Variants in UNC13C observed in about 807,000 individuals in gnomAD.
UNC13C encodes the protein unc-13 homolog C.
A neutral mutation model predicts 245.4 loss-of-function variants in UNC13C; 174 were observed. That is an observed-to-expected ratio of 0.71 (90% CI 0.63 to 0.80). UNC13C has a LOEUF of 0.80. Ranked by LOEUF, UNC13C falls within the 30% of genes least tolerant of loss-of-function variation. The pLI is 0.00. For missense variants in UNC13C, 2,829 were observed against 2,602.9 expected, an observed-to-expected ratio of 1.09 and a Z score of -1.89; for synonymous variants, 992 against 895.1, an observed-to-expected ratio of 1.11 and a Z score of -1.93.
intron 2 of UNC13C, among the ~76,000 whole-genome samples, chr15:54,044,785 T>A (rs1300857190): frequency 1.3e-5 from 2 of 152,206 alleles, no homozygotes; most frequent in African/African-American, 4.8e-5. Context: ...ATATCCATCA[T>A]CTCGTGTAGC....
intron 17 of UNC13C, among the ~76,000 whole-genome samples, chr15:54,374,283 G>C (rs528631877): frequency 1.3e-5 from 2 of 152,172 alleles, no homozygotes; most frequent in East Asian, 3.9e-4. Context: ...TTCCACCCAG[G>C]AGCCTATCTG....
At chr15:54,426,173 A>ATT (rs1360855597) in intron 19 of UNC13C, among the ~76,000 whole-genome samples, 2 of 151,464 alleles carry the variant, frequency 1.3e-5, no homozygotes, top group Non-Finnish European at 3.0e-5. Context: ...CTTCTTTGTC[A>ATT]TTTAACAGAA....
At chr15:54,482,183 A>G (rs1420255141) in intron 19 of UNC13C, among the ~76,000 whole-genome samples, 2 of 152,162 alleles carry the variant, frequency 1.3e-5, no homozygotes, top group Non-Finnish European at 2.9e-5. Flanking sequence ...AGCTAGTGTC[A>G]TGATACTGCA....
At chr15:54,023,617 T>C (rs919932838) in intron 2 of UNC13C, among the ~76,000 whole-genome samples, 3 of 152,154 alleles carry the variant, frequency 2.0e-5, no homozygotes, top group Admixed American at 2.0e-4. Context: ...TTCAAAAGGA[T>C]ATACAAAGAC....
chr15:54,074,713 G>C (rs1297091115), intron 2 of UNC13C, among the ~76,000 whole-genome samples: 1 of 152,114 alleles, frequency 6.6e-6, no homozygotes, highest in Non-Finnish European at 1.5e-5. Flanking sequence ...TGTGATTTTT[G>C]CACATTGATT....
At chr15:54,166,137 A>T (rs976516881) in intron 4 of UNC13C, among the ~76,000 whole-genome samples, 1 of 151,990 alleles carries the variant, frequency 6.6e-6, no homozygotes, top group Admixed American at 6.6e-5. Context: ...TTATAGCATT[A>T]TTGATCTTGA....
the UNC13C span, among the ~76,000 whole-genome samples, chr15:53,883,698 G>T: frequency 4.3e-4 from 66 of 152,228 alleles, no homozygotes; most frequent in African/African-American, 1.6e-3. Context: ...TAATACGAAT[G>T]GTTATTTGTC....
At chr15:54,382,198 GA>G (rs1241732147) in intron 17 of UNC13C, among the ~76,000 whole-genome samples, 1 of 152,034 alleles carries the variant, frequency 6.6e-6, no homozygotes, top group African/African-American at 2.4e-5. Context: ...TTGAGAGAGA[GA>G]AAAATGGAAA....
rs118070431 is a variant in UNC13C, at chr15:54,596,872, C to T, written c.6107-25455C>T. Among the ~76,000 whole-genome samples, 118 of 152,310 alleles carry T rather than the reference C, an allele frequency of 7.7e-4. 3 individuals carry two copies. In the East Asian group the frequency reaches 0.019, roughly 25 times the overall value. On this transcript the variant is annotated intron_variant, in intron 30 of 32. Transcript: ENST00000260323. ...AAACTCCCAGAGGTCTCACCAGTAGCTGAGCAGCTAGTGGTGCCATGCTTG... is the reference window on the plus strand; with the variant it reads ...AAACTCCCAGAGGTCTCACCAGTAGTTGAGCAGCTAGTGGTGCCATGCTTG...
chr15:54,044,861 G>A (rs984546990), intron 2 of UNC13C, among the ~76,000 whole-genome samples: 4 of 151,992 alleles, frequency 2.6e-5, no homozygotes, highest in Non-Finnish European at 5.9e-5. Flanking sequence ...TTGGCCATTT[G>A]TATATCTTCT....
chr15:53,866,796 T>C, the UNC13C span, among the ~76,000 whole-genome samples: 1 of 152,228 alleles, frequency 6.6e-6, no homozygotes, highest in Non-Finnish European at 1.5e-5. Flanking sequence ...TCTGAGAGTG[T>C]TGAAAGATAG....
At chr15:54,569,506 C>T (rs1187524054) in intron 30 of UNC13C, among the ~76,000 whole-genome samples, 5 of 151,838 alleles carry the variant, frequency 3.3e-5, no homozygotes, top group Admixed American at 6.6e-5. Flanking sequence ...ATTTTCCATC[C>T]GCAGTTGGTT....
chr15:53,876,954 C>T, the UNC13C span, among the ~76,000 whole-genome samples: 36 of 152,246 alleles, frequency 2.4e-4, no homozygotes, highest in South Asian at 1.0e-3. Flanking sequence ...GAGTAAATCA[C>T]GGCATTTCTG....
At chr15:54,197,996 A>G (rs1448106012) in intron 4 of UNC13C, among the ~76,000 whole-genome samples, 4 of 152,194 alleles carry the variant, frequency 2.6e-5, no homozygotes, top group African/African-American at 9.6e-5. Flanking sequence ...TGGGAGTGAG[A>G]CAGGCCTTTA....
the UNC13C span, among the ~76,000 whole-genome samples, chr15:53,844,685 C>T: frequency 2.6e-5 from 4 of 152,010 alleles, no homozygotes; most frequent in Admixed American, 1.3e-4. Context: ...TTTACAATTG[C>T]AAGTTTTCTC....
At chr15:54,020,456 TTTTTTTTA>T (rs1352235165) in intron 2 of UNC13C, among the ~76,000 whole-genome samples, 10 of 133,648 alleles carry the variant, frequency 7.5e-5, no homozygotes, top group African/African-American at 1.5e-4. Context: ...TTTTTTTTTT[TTTTTTTTA>T]ATTAGAGATG....
chr15:54,522,289 G>T (rs1272140079), intron 24 of UNC13C, among the ~76,000 whole-genome samples: 5 of 151,188 alleles, frequency 3.3e-5, no homozygotes, highest in African/African-American at 1.2e-4. Context: ...TGGTCAACAT[G>T]GTGAAACCCC....
chr15:54,591,794 T>G (rs138472464), intron 30 of UNC13C, among the ~76,000 whole-genome samples: 2 of 152,130 alleles, frequency 1.3e-5, no homozygotes, highest in Admixed American at 1.3e-4. Context: ...CAATTGCATT[T>G]AGTACTGCTC....
At chr15:54,062,096 G>C (rs1897866677) in intron 2 of UNC13C, among the ~76,000 whole-genome samples, 1 of 151,844 alleles carries the variant, frequency 6.6e-6, no homozygotes, top group Admixed American at 6.6e-5. Flanking sequence ...TAGGCAGGTG[G>C]ATCACCTGAG....
Sources: gnomAD v4.1 joint callset for allele counts (sites outside exome capture counted in the v4.1 genomes callset) on GRCh38, gnomAD v4.1.1 for gene constraint, MANE v1.5 for transcripts, NCBI Gene and HGNC (gene_info 2026-07-23, HGNC 2026-07-21) for gene names.